USP36: variants seen among roughly 807,000 people sequenced by gnomAD.
USP36 encodes the protein ubiquitin specific peptidase 36, also known as ubiquitin carboxyl-terminal hydrolase 36.
A neutral mutation model predicts 111.5 loss-of-function variants in USP36; 59 were observed. That is an observed-to-expected ratio of 0.53 (90% CI 0.43 to 0.66). The LOEUF (loss-of-function observed/expected upper bound fraction) is 0.66. Among genes scored for constraint, USP36 ranks in the 30% least tolerant of loss-of-function variants. The pLI is 0.00. For missense variants in USP36, 1,488 were observed against 1,468.0 expected, an observed-to-expected ratio of 1.01 and a Z score of -0.22; for synonymous variants, 628 against 581.0, an observed-to-expected ratio of 1.08 and a Z score of -1.16.
chr17:78,789,220 A>AAT (rs2093562183), intron 3 of USP36, among the ~76,000 whole-genome samples: 3 of 146,178 alleles, frequency 2.1e-5, no homozygotes, highest in Non-Finnish European at 4.5e-5. Flanking sequence ...AAAAAAAAAA[A>AAT]GGAGATGAGG....
At chr17:78,831,199 C>T (rs966123030) in intron 4 of USP36, among the ~76,000 whole-genome samples, 2 of 128,146 alleles carry the variant, frequency 1.6e-5, no homozygotes, top group African/African-American at 6.2e-5. Flanking sequence ...GCACTCCGGC[C>T]TGGGCGACAG....
chr17:78,824,913 C>T (rs987142706), intron 6 of USP36, among the ~76,000 whole-genome samples: 1 of 152,186 alleles, frequency 6.6e-6, no homozygotes, highest in African/African-American at 2.4e-5. Flanking sequence ...AGCCACTCCA[C>T]GTGACAAGTG....
At chr17:78,790,794 G>A (rs1244116130), downstream of USP36, among the ~76,000 whole-genome samples, 2 of 152,188 alleles carry the variant, frequency 1.3e-5, no homozygotes, top group Non-Finnish European at 2.9e-5. Context: ...CTTAGACTGT[G>A]TGTTGAAATC....
At chr17:78,806,055 G>T in intron 15 of USP36, 101 bp downstream of exon 15, 1 of 1,588,762 alleles carries the variant, frequency 6.3e-7, no homozygotes, top group Non-Finnish European at 8.6e-7. Context: ...TGCTTTGTCT[G>T]TCCTGTGAGG....
intron 3 of USP36, among the ~76,000 whole-genome samples, chr17:78,789,551 C>T (rs2093565111): frequency 6.6e-6 from 1 of 152,226 alleles, no homozygotes; most frequent in Admixed American, 6.5e-5. Flanking sequence ...CCGCAAGAGG[C>T]TGCAAAGCGA....
At chr17:78,799,923 A>G (rs1343226896) in intron 17 of USP36, among the ~76,000 whole-genome samples, 155 bp from the exon 18 acceptor site, 4 of 103,226 alleles carry the variant, frequency 3.9e-5, no homozygotes, top group South Asian at 6.5e-4. Flanking sequence ...GGGTCTCACT[A>G]TGTTTCCTAG....
At chr17:78,826,932 A>G (rs1599077251) in intron 6 of USP36, 6 of 600,706 alleles carry the variant, frequency 1.0e-5, no homozygotes, top group Non-Finnish European at 1.8e-5. Context: ...GAATGCCCCT[A>G]AGAAGGTCTG....
chr17:78,813,057 A>T lies in USP36; in HGVS notation c.1266-56T>A, dbSNP rs2094105664. On this transcript the variant is annotated intron_variant, in intron 12 of 20. Transcript: ENST00000449938. The stretch of plus-strand genomic sequence containing the variant: ...CTCTTACTAGGCATTACAGAAACGG[A>T]GAGAATTAGAATAAGTTAAGGCGGG... 5.0e-6 allele frequency: 8 copies of T among 1,607,586 alleles called. No homozygotes were observed. In the South Asian group the frequency reaches 7.7e-5, roughly 16 times the overall value.
At position 78,798,079 on chromosome 17, in the gene USP36, C is replaced by T; in HGVS notation, c.*21-200G>A. On this transcript the variant is annotated intron_variant, in intron 20 of 20. Transcript: ENST00000449938. The surrounding 1 kb of genome is among the most constrained non-coding windows in gnomAD (Gnocchi z 5.1). ...ACATCCCACACACACCCCACACATG[C>T]CCTTCTCCAAGTGACCAGAACACAT... is the stretch of plus-strand genomic sequence containing the variant. The T allele has an allele frequency of 6.5e-6, 2 of 308,354 alleles. No individual in the cohort carries two copies. The highest frequency in any genetic ancestry group is 5.6e-5 in the East Asian group (1 of 17,854). The allele number at this position is 308,354 out of a possible 1,614,324, so 19.1% of individuals were successfully genotyped here. A position where few individuals can be genotyped will look rare whatever the true frequency, so the allele number is the denominator to read the frequency against.
At chr17:78,817,700 T>C (rs1286676527) in intron 10 of USP36, among the ~76,000 whole-genome samples, 2 of 147,660 alleles carry the variant, frequency 1.4e-5, no homozygotes, top group Non-Finnish European at 3.0e-5. Context: ...ACAGCGCCAC[T>C]GCAATCCAGC....
rs780159854 is a variant in USP36, at chr17:78,803,852, C to T, written c.2343G>A (p.Ser781=). 32 of 1,607,780 alleles carry T rather than the reference C, an allele frequency of 2.0e-5. No homozygotes were observed. Among genetic ancestry groups the T allele is most frequent in the Middle Eastern group, 1.7e-4 (1 of 6,000 alleles). ...CCTCGTTGACCTGAGGCAGCGCCGT[C>T]GAGATGGAGGAGCAGCTCCGTGGTT... The part of the protein sequence containing the change: ...TSEPRSCSSI[S]TALPQVNEDL... Residue 781 remains serine, a synonymous_variant, in exon 16 of 21, where the codon TCG becomes TCA. Transcript: ENST00000449938. This position sits in a 1 kb window ranked among gnomAD's most constrained non-coding sequence, Gnocchi z 4.6.
Position 78,803,770 on chromosome 17 carries a change from A to C in USP36, c.2425T>G (p.Ser809Ala), listed in dbSNP as rs763904977. ...ACAAAGGTCTTTTTCCTCTTCTCAGAGGGGCTCTGGGGGGGCTCACTGGCC... is the reference window on the plus strand; with the variant it reads ...ACAAAGGTCTTTTTCCTCTTCTCAGCGGGGCTCTGGGGGGGCTCACTGGCC... ...PEASEPPQSP[S>A]EKRKKTFVGE... The change falls in exon 16 of 21, where the codon TCT becomes GCT. Residue 809 changes from serine (S) to alanine (A), a missense_variant. Coordinates refer to ENST00000449938, the MANE Select transcript of USP36 (RefSeq NM_001385174.1). This position sits in a 1 kb window ranked among gnomAD's most constrained non-coding sequence, Gnocchi z 4.6. 1.2e-6 allele frequency: 2 copies of C among 1,612,534 alleles called. No homozygotes were observed. The highest frequency in any genetic ancestry group is 1.1e-5 in the South Asian group (1 of 91,048).
chr17:78,822,127 CCCACCCGAGTCA>C, intron 6 of USP36, 123 bp from the exon 7 acceptor site: 1 of 1,096,686 alleles, frequency 9.1e-7, no homozygotes, highest in Non-Finnish European at 1.4e-6. Context: ...AACTCCACCC[CCCACCCGAGTCA>C]CCACAGACCC....
rs754847185 is a variant in USP36, at chr17:78,820,993, G to A, written c.826C>T (p.Arg276Trp). The change falls in exon 8 of 21, where the codon CGG (arginine) becomes TGG (tryptophan). Residue 276 changes from arginine to tryptophan, a missense_variant and splice_region_variant. By Grantham distance (101) the Arg-to-Trp change is moderately radical (BLOSUM62 -3). This residue lies in a region of USP36 where 196 missense variants were observed against 264.4 expected (regional missense o/e 0.74). Coordinates refer to ENST00000449938, the MANE Select transcript of USP36 (RefSeq NM_001385174.1). ...TGAAGGGCAGGACAGATCTGTACCCGGATCTCCAGCGCGACGTCCAAGTAG... is the reference window on the plus strand; with the variant it reads ...TGAAGGGCAGGACAGATCTGTACCCAGATCTCCAGCGCGACGTCCAAGTAG... The part of the protein sequence containing the change: ...DPYLDVALEI[R>W]QAANIVRALE... 13 of 1,607,814 alleles carry A rather than the reference G, an allele frequency of 8.1e-6. No homozygotes were observed. Among genetic ancestry groups the A allele is most frequent in the Admixed American group, 3.4e-5 (2 of 59,432 alleles).
At chr17:78,820,194 G>T (rs558110172) in intron 8 of USP36, among the ~76,000 whole-genome samples, 182 bp from the exon 9 acceptor site, 1 of 152,334 alleles carries the variant, frequency 6.6e-6, no homozygotes, top group South Asian at 2.1e-4. Context: ...AATGAAAGCA[G>T]CCAGGAACAG....
chr17:78,837,563 C>T (rs572513726), intron 2 of USP36, among the ~76,000 whole-genome samples: 2 of 152,284 alleles, frequency 1.3e-5, no homozygotes, highest in African/African-American at 4.8e-5. Context: ...GGTGCAGCTG[C>T]ATGGAAACTG....
intron 10 of USP36, among the ~76,000 whole-genome samples, chr17:78,818,167 G>C (rs1197603022): frequency 2.6e-5 from 4 of 152,148 alleles, no homozygotes; most frequent in Admixed American, 6.6e-5. Context: ...AAAAGCCAGA[G>C]CATGCAACGG....
At chr17:78,793,391 A>G (rs887752125), downstream of USP36, among the ~76,000 whole-genome samples, 7 of 152,190 alleles carry the variant, frequency 4.6e-5, no homozygotes, top group African/African-American at 1.7e-4. Context: ...GCAGAGCCCA[A>G]CGAAGAAGGG....
chr17:78,823,144 A>C (rs530885210), intron 6 of USP36: 1 of 398,754 alleles, frequency 2.5e-6, no homozygotes, highest in South Asian at 1.3e-4. Flanking sequence ...GGAGCTCTGA[A>C]ATACTTGGGG....
Sources: allele counts gnomAD v4.1 joint callset (sites outside exome capture counted in the v4.1 genomes callset), GRCh38; gene constraint gnomAD v4.1.1; regional missense constraint gnomAD v4.1.1; non-coding constraint Gnocchi (gnomAD v3.1); transcripts MANE v1.5; gene names NCBI Gene and HGNC (gene_info 2026-07-23, HGNC 2026-07-21).